ZNF587B: variants seen among roughly 807,000 people sequenced by gnomAD.
The protein encoded by ZNF587B is zinc finger protein 587B.
Under a neutral mutation model 7.2 loss-of-function variants are expected in ZNF587B, and 6 were observed. The ratio of observed to expected loss-of-function variants is 0.83; its 90% CI spans 0.46 to 1.65. The LOEUF (loss-of-function observed/expected upper bound fraction) is 1.65. Among genes scored for constraint, ZNF587B ranks in the 40% most tolerant of loss-of-function variants. The pLI is 0.01. For missense variants in ZNF587B, 749 were observed against 761.0 expected (o/e 0.98, Z 0.19); for synonymous variants, 274 against 254.3 (o/e 1.08, Z -0.74).
In ZNF587B at chr19:57,839,182, C is replaced by G. The variant is rs748563963; in HGVS notation, c.163+33C>G. ...GCTCACACTCACCCTGTGACTTGAGCTAGTCTCTGTTTTCCCCTGTCTTTC... is the reference window on the plus strand; with the variant it reads ...GCTCACACTCACCCTGTGACTTGAGGTAGTCTCTGTTTTCCCCTGTCTTTC... On this transcript the variant is annotated intron_variant, in intron 2 of 2. Transcript: ENST00000594901. The G allele has an allele frequency of 7.4e-6, 12 of 1,611,910 alleles. No homozygotes were observed. In the African/African-American group the frequency reaches 1.2e-4, roughly 16 times the overall value.
At chr19:57,837,192 A>G (rs911624144) in intron 1 of ZNF587B, among the ~76,000 whole-genome samples, 6 of 151,696 alleles carry the variant, frequency 4.0e-5, no homozygotes, top group African/African-American at 7.3e-5. Context: ...TTTATCCACA[A>G]TCCAACCCCC....
At chr19:57,838,105 G>A (rs1485881083) in intron 1 of ZNF587B, among the ~76,000 whole-genome samples, 3 of 151,480 alleles carry the variant, frequency 2.0e-5, no homozygotes, top group African/African-American at 4.9e-5. Flanking sequence ...TCAGGAGTTC[G>A]AGACCAGCCT....
intron 1 of ZNF587B, among the ~76,000 whole-genome samples, chr19:57,837,828 AC>A (rs1300376396): frequency 6.6e-6 from 1 of 151,124 alleles, no homozygotes; most frequent in African/African-American, 2.4e-5. Context: ...CAGGCGATCC[AC>A]CCGGCTCAGC....
chr19:57,831,797 C>T (rs1309010327), intron 1 of ZNF587B, among the ~76,000 whole-genome samples: 4 of 148,844 alleles, frequency 2.7e-5, no homozygotes, highest in Non-Finnish European at 6.0e-5. Flanking sequence ...CTCCGCCTGC[C>T]GGGTTCAAGC....
intron 1 of ZNF587B, among the ~76,000 whole-genome samples, chr19:57,838,272 T>C (rs1055332846): frequency 6.7e-6 from 1 of 150,136 alleles, no homozygotes; most frequent in Non-Finnish European, 1.5e-5. Flanking sequence ...ATCGTGTCAT[T>C]GCACTCCGTC....
rs371055497 is a variant in ZNF587B, at chr19:57,830,473, A to G, written c.-56A>G. ...GGCCAGGATAGGGACCGTCATGCCC[A>G]TATCTCCTGGCTGGTCACCCTCTCC... On this transcript the variant is annotated 5_prime_UTR_variant, in exon 1 of 3. Transcript: ENST00000594901. The G allele has an allele frequency of 1.9e-4, 299 of 1,543,382 alleles. 3 individuals carry two copies. In the African/African-American group the frequency reaches 2.6e-3, roughly 14 times the overall value.
At chr19:57,838,872 G>A in intron 1 of ZNF587B, 151 bp from the exon 2 acceptor site, 3 of 1,319,268 alleles carry the variant, frequency 2.3e-6, no homozygotes, top group Non-Finnish European at 3.1e-6. Context: ...AACTATTGTT[G>A]GTGGCTGTAC....
At chr19:57,837,114 G>T (rs531623013) in intron 1 of ZNF587B, among the ~76,000 whole-genome samples, 1 of 152,226 alleles carries the variant, frequency 6.6e-6, no homozygotes, top group South Asian at 2.1e-4. Flanking sequence ...GCATCCTCCT[G>T]AGGGAATCAG....
At position 57,830,543 on chromosome 19, in the gene ZNF587B, C is replaced by G. The variant is rs1200678306; in HGVS notation, c.15C>G (p.Ala5=). Residue 5 remains alanine, a synonymous_variant, in exon 1 of 3, where the codon GCC becomes GCG. Coordinates refer to ENST00000594901, the MANE Select transcript of ZNF587B (RefSeq NM_001376223.1). MAVV[A]TLRLSAQGTV... is the part of the protein sequence containing the mutation. The stretch of plus-strand genomic sequence containing the variant: ...CACGTGGTTCGATGGCGGTGGTGGC[C>G]ACGCTGAGGCTCTCTGCTCAGGTAA... 1.5e-5 allele frequency: 24 copies of G among 1,549,660 alleles called. No individual in the cohort carries two copies. The highest frequency in any genetic ancestry group is 1.9e-5 in the Non-Finnish European group (22 of 1,147,202).
At chr19:57,835,394 G>A (rs537517860) in intron 1 of ZNF587B, among the ~76,000 whole-genome samples, 148 of 123,376 alleles carry the variant, frequency 1.2e-3, no homozygotes, top group African/African-American at 4.2e-3. Flanking sequence ...GTCTTGTTCT[G>A]TCACCAGGCT....
intron 1 of ZNF587B, among the ~76,000 whole-genome samples, chr19:57,835,754 A>G (rs1988577302): frequency 7.2e-6 from 1 of 139,240 alleles, no homozygotes; most frequent in Non-Finnish European, 1.6e-5. Flanking sequence ...AGTCACTGGG[A>G]ATATAAGGAG....
At chr19:57,839,809 G>A (rs551343928) in intron 2 of ZNF587B, among the ~76,000 whole-genome samples, 3 of 152,206 alleles carry the variant, frequency 2.0e-5, no homozygotes, top group Admixed American at 1.3e-4. Flanking sequence ...GGCTGGGGAT[G>A]GTGGCTCGCT....
At chr19:57,831,164 C>T (rs1182164723) in intron 1 of ZNF587B, among the ~76,000 whole-genome samples, 2 of 152,064 alleles carry the variant, frequency 1.3e-5, no homozygotes, top group Non-Finnish European at 2.9e-5. Context: ...CAAGTTAAGT[C>T]CTTGAGGAAG....
At position 57,845,929 on chromosome 19, in the gene ZNF587B, C is replaced by T. The variant is rs1989039240; in HGVS notation, c.*3353C>T. On this transcript the variant is annotated 3_prime_UTR_variant, in exon 3 of 3. Transcript: ENST00000594901. ...GTTGCAGTGAGCTAAGATTGCAACG[C>T]TGCAGTCCAGCCTGGGTGATAGAGT... is the stretch of plus-strand genomic sequence containing the variant. 6.6e-6 allele frequency: 1 copy of T among 152,122 alleles called. No individual in the cohort carries two copies. Among genetic ancestry groups the T allele is most frequent in the South Asian group, 2.1e-4 (1 of 4,820 alleles). The allele number at this position is 152,122 out of a possible 1,614,324, so 9.4% of individuals were successfully genotyped here.
At position 57,844,214 on chromosome 19, in the gene ZNF587B, A is replaced by AT. The variant is rs1456660587; in HGVS notation, c.*1642dup. On this transcript the variant is annotated 3_prime_UTR_variant, in exon 3 of 3. Coordinates refer to ENST00000594901, the MANE Select transcript of ZNF587B (RefSeq NM_001376223.1). ...TTGTGCTGACTTGAAAAGATGGACT[A>AT]TTTTGGCTAAGCATGGTGGCTCATG... 1 of 436,946 alleles carries AT rather than the reference A, an allele frequency of 2.3e-6. No individual in the cohort carries two copies. The highest frequency in any genetic ancestry group is 2.1e-5 in the African/African-American group (1 of 48,422). The allele number at this position is 436,946 out of a possible 1,614,324, so 27.1% of individuals were successfully genotyped here.
At position 57,846,200 on chromosome 19, in the gene ZNF587B, A is replaced by G. The variant is rs1333527393; in HGVS notation, c.*3624A>G. The G allele has an allele frequency of 2.0e-5, 3 of 151,966 alleles. No homozygotes were observed. Among genetic ancestry groups the G allele is most frequent in the Non-Finnish European group, 2.9e-5 (2 of 68,006 alleles). The allele number at this position is 151,966 out of a possible 1,614,324, so 9.4% of individuals were successfully genotyped here. On this transcript the variant is annotated 3_prime_UTR_variant, in exon 3 of 3. Coordinates refer to ENST00000594901, the MANE Select transcript of ZNF587B (RefSeq NM_001376223.1). ...TGATGGAGTACTTTCCATTTTCTGG[A>G]ATTTTCTGACTGATGTAATAAAGTG...
rs1433566366 is a variant in ZNF587B, at chr19:57,843,611, T to G, written c.*1035T>G. 5 of 920,674 alleles carry G rather than the reference T, an allele frequency of 5.4e-6. No individual in the cohort carries two copies. Among genetic ancestry groups the G allele is most frequent in the East Asian group, 1.2e-4 (1 of 8,326 alleles). 57.0% of individuals were successfully genotyped at this position (920,674 alleles called of 1,614,324 possible). ...GGTTGTTTTTTTTTGTTTTTTTTTT[T>G]TTTTTTTTTGGAGACAAAGTTTCAC... is the stretch of plus-strand genomic sequence containing the variant. On this transcript the variant is annotated 3_prime_UTR_variant, in exon 3 of 3. Coordinates refer to ENST00000594901, the MANE Select transcript of ZNF587B (RefSeq NM_001376223.1).
rs1234934545 is a variant in ZNF587B at position 57,837,319 on chromosome 19, C to T, written c.37-1704C>T. On this transcript the variant is annotated intron_variant, in intron 1 of 2. Transcript: ENST00000594901. ...TTGCCCAGGCTGGAGTGCAATGGCG[C>T]GATCTTGACTCACTGCAACCTTCGC... 5.3e-5 allele frequency among the ~76,000 whole-genome samples: 8 copies of T among 151,838 alleles called. No homozygotes were observed. In the East Asian group the frequency reaches 5.8e-4, roughly 11 times the overall value.
At chr19:57,832,921 A>G (rs1345169829) in intron 1 of ZNF587B, among the ~76,000 whole-genome samples, 1 of 152,166 alleles carries the variant, frequency 6.6e-6, no homozygotes, top group Admixed American at 6.5e-5. Flanking sequence ...TCAGTGCTGA[A>G]GTGCCTGAAA....
Sources: gnomAD v4.1 joint callset for allele counts (sites outside exome capture counted in the v4.1 genomes callset) on GRCh38, gnomAD v4.1.1 for gene constraint, MANE v1.5 for transcripts, NCBI Gene and HGNC (gene_info 2026-07-23, HGNC 2026-07-21) for gene names.